SMC1B: variants seen among roughly 807,000 people sequenced by gnomAD.
SMC1B encodes the protein structural maintenance of chromosomes 1B, also known as structural maintenance of chromosomes protein 1B.
In SMC1B, 60 loss-of-function variants were observed where a neutral mutation model predicts 157.9. The ratio of observed to expected loss-of-function variants is 0.38; its 90% CI spans 0.31 to 0.47. SMC1B has a LOEUF of 0.47. Among genes scored for constraint, SMC1B ranks in the 20% least tolerant of loss-of-function variants. The pLI, the probability that SMC1B is intolerant of heterozygous loss-of-function variation, is 0.99. For synonymous variants in SMC1B, 445 were observed against 483.0 expected, an observed-to-expected ratio of 0.92 and a Z score of 1.03; for missense variants, 1,165 against 1,426.2, an observed-to-expected ratio of 0.82 and a Z score of 2.95.
chr22:45,389,123 A>G (rs915171409), intron 10 of SMC1B, among the ~76,000 whole-genome samples: 3 of 152,192 alleles, frequency 2.0e-5, no homozygotes, highest in Non-Finnish European at 4.4e-5. Context: ...GCTCTTAACT[A>G]TTACGCAGAC....
chr22:45,383,512 T>C lies in SMC1B; in HGVS notation c.2013A>G (p.Leu671=). ...YKARCWDEKE[L]KNLRDRRSQK... ...GGCTTCGTCTGTCTCTTAGATTCTT[T>C]AACTCTTTCTCATCCCAGCATCTAG... is the stretch of plus-strand genomic sequence containing the variant. The change falls in exon 12 of 25, where the codon TTA becomes TTG. Residue 671 remains leucine (L), a synonymous_variant. Transcript: ENST00000357450. 6.2e-7 allele frequency: 1 copy of C among 1,610,490 alleles called. No homozygotes were observed. Among genetic ancestry groups the C allele is most frequent in the Non-Finnish European group, 8.5e-7 (1 of 1,178,938 alleles).
Position 45,354,131 on chromosome 22 carries a change from A to G in SMC1B, c.3120T>C (p.Ala1040=). The G allele has an allele frequency of 6.5e-7, 1 of 1,543,924 alleles. No individual in the cohort carries two copies. The highest frequency in any genetic ancestry group is 2.4e-5 in the East Asian group (1 of 41,474). Residue 1040 remains alanine, a splice_region_variant and synonymous_variant, in exon 21 of 25, where the codon GCT becomes GCC. Transcript: ENST00000357450. Reference sequence around the variant, plus strand: ...TGGCTTCCTTTCTGCTGGCCTCAAAAGCTAAGAGAGAATCAATGTTCTTTA... The same window carrying G: ...TGGCTTCCTTTCTGCTGGCCTCAAAGGCTAAGAGAGAATCAATGTTCTTTA... The part of the protein sequence containing the change: ...VRDKFQESTD[A]FEASRKEARL...
chr22:45,410,932 CTA>C lies in SMC1B; in HGVS notation c.110-2036_110-2035del. 4.6e-5 allele frequency among the ~76,000 whole-genome samples: 7 copies of C among 152,136 alleles called. 1 individual carries two copies. In the South Asian group the frequency reaches 1.5e-3, roughly 32 times the overall value. On this transcript the variant is annotated intron_variant, in intron 1 of 24. Transcript: ENST00000357450. ...TAATGGATAATCTGCACATTGAGGGCTATTGTAAGACAGTGCATATGGACAAG... is the reference window on the plus strand; with the variant it reads ...TAATGGATAATCTGCACATTGAGGGCTTGTAAGACAGTGCATATGGACAAG...
intron 19 of SMC1B, among the ~76,000 whole-genome samples, chr22:45,356,804 A>T (rs1213771349): frequency 1.4e-5 from 2 of 139,960 alleles, no homozygotes; most frequent in South Asian, 2.2e-4. Context: ...ATCTTGGCTC[A>T]CTGCAACCTC....
intron 10 of SMC1B, among the ~76,000 whole-genome samples, chr22:45,388,441 T>C (rs575405239): frequency 1.3e-5 from 2 of 152,156 alleles, no homozygotes; most frequent in East Asian, 1.9e-4. Context: ...AAGTGAGAAA[T>C]AAAATAGGAT....
intron 9 of SMC1B, among the ~76,000 whole-genome samples, chr22:45,390,967 TCTTTGA>T (rs2087051603): frequency 6.6e-6 from 1 of 152,182 alleles, no homozygotes; most frequent in Non-Finnish European, 1.5e-5. Flanking sequence ...TGTTTAAATA[TCTTTGA>T]CTTTTTCTTC....
At chr22:45,405,813 T>TGTGTCGACACATGCACTAACAGTGTGGAC (rs2087252801) in intron 4 of SMC1B, among the ~76,000 whole-genome samples, 1 of 152,200 alleles carries the variant, frequency 6.6e-6, no homozygotes, top group Non-Finnish European at 1.5e-5. Flanking sequence ...TCTATTTCAA[T>TGTGTCGACACATGCACTAACAGTGTGGAC]GTGTCGACAC....
At chr22:45,366,189 A>G (rs932049441) in intron 15 of SMC1B, among the ~76,000 whole-genome samples, 1 of 152,044 alleles carries the variant, frequency 6.6e-6, no homozygotes, top group Non-Finnish European at 1.5e-5. Context: ...ACGCCCAGCT[A>G]ATTTTTGTAT....
At position 45,362,948 on chromosome 22, in the gene SMC1B, A is replaced by T; in HGVS notation, c.2499T>A (p.Asn833Lys). Residue 833 changes from asparagine to lysine, a missense_variant, in exon 16 of 25, where the codon AAT becomes AAA. Coordinates refer to ENST00000357450, the MANE Select transcript of SMC1B (RefSeq NM_148674.5). ...YSRSHLKKKL[N>K]KINTLKETIQ... is the part of the protein sequence containing the mutation. ...TAGTTTCTTTTAATGTGTTGATCTT[A>T]TTCAGTTTCTTCTTAAGGTGACTGC... The T allele has an allele frequency of 6.2e-7, 1 of 1,603,888 alleles. No individual in the cohort carries two copies. Among genetic ancestry groups the T allele is most frequent in the Non-Finnish European group, 8.5e-7 (1 of 1,175,546 alleles).
chr22:45,357,652 A>G (rs1004112206), intron 19 of SMC1B, among the ~76,000 whole-genome samples: 7 of 152,224 alleles, frequency 4.6e-5, no homozygotes, highest in African/African-American at 1.4e-4. Context: ...TAGACATTTC[A>G]TGACACCAGT....
chr22:45,393,914 C>T, intron 8 of SMC1B, 73 bp from the exon 9 acceptor site: 1 of 1,048,122 alleles, frequency 9.5e-7, no homozygotes, highest in Admixed American at 2.4e-5. Context: ...CAACATACTC[C>T]TGTCTGGCAT....
chr22:45,362,748 TTTTAC>T (rs2146779600), intron 16 of SMC1B, 132 bp downstream of exon 16: 4 of 698,536 alleles, frequency 5.7e-6, no homozygotes, highest in South Asian at 1.9e-5. Flanking sequence ...GCTCTGCTGA[TTTTAC>T]TTTAAGTATT....
intron 11 of SMC1B, among the ~76,000 whole-genome samples, chr22:45,384,752 T>TG (rs1247636104): frequency 6.6e-6 from 1 of 151,764 alleles, no homozygotes; most frequent in African/African-American, 2.4e-5. Context: ...AAATTTCCCA[T>TG]GGTTTCTCTT....
chr22:45,366,417 C>A (rs1378266643), intron 15 of SMC1B, among the ~76,000 whole-genome samples: 1 of 152,066 alleles, frequency 6.6e-6, no homozygotes, highest in Non-Finnish European at 1.5e-5. Context: ...GCTAAAGGTA[C>A]AAATTTTGGG....
chr22:45,412,964 A>C lies in SMC1B; in HGVS notation c.109+495T>G, dbSNP rs1186495819. 2.6e-5 allele frequency among the ~76,000 whole-genome samples: 4 copies of C among 152,334 alleles called. No individual in the cohort carries two copies. In the East Asian group the frequency reaches 5.8e-4, roughly 22 times the overall value. On this transcript the variant is annotated intron_variant, in intron 1 of 24. Coordinates refer to ENST00000357450, the MANE Select transcript of SMC1B (RefSeq NM_148674.5). The stretch of plus-strand genomic sequence containing the variant: ...AAAAGGGACGCGAGTGACCAGGGCC[A>C]AGGGCAAGAGCAGTCCCCGAAGCAG...
chr22:45,413,164 G>A (rs1321082647), intron 1 of SMC1B, among the ~76,000 whole-genome samples: 2 of 152,082 alleles, frequency 1.3e-5, no homozygotes. Context: ...GGAGGTGGAG[G>A]GCGAGAGCGG....
chr22:45,403,167 T>C (rs181902309), intron 4 of SMC1B, among the ~76,000 whole-genome samples: 1 of 152,326 alleles, frequency 6.6e-6, no homozygotes. Flanking sequence ...AAAAAACAAT[T>C]AGGAAGTTGT....
chr22:45,388,030 C>CA (rs136593), intron 10 of SMC1B, among the ~76,000 whole-genome samples: 70,967 of 144,320 alleles, frequency 0.49, 17,684 homozygotes, highest in African/African-American at 0.62. Context: ...GAGCCTCTGT[C>CA]AAAAAAAAAA....
chr22:45,355,162 C>T (rs766010123), intron 19 of SMC1B, 47 bp from the exon 20 acceptor site: 2 of 1,606,298 alleles, frequency 1.2e-6, no homozygotes, highest in African/African-American at 1.3e-5. Flanking sequence ...ATGTCTTTTA[C>T]ATCCAGCAAG....
Sources: gnomAD v4.1 joint callset for allele counts (sites outside exome capture counted in the v4.1 genomes callset) on GRCh38, gnomAD v4.1.1 for gene constraint, MANE v1.5 for transcripts, NCBI Gene and HGNC (gene_info 2026-07-23, HGNC 2026-07-21) for gene names.